Variants in HEATR4 observed in about 807,000 individuals in gnomAD.
HEATR4 encodes HEAT repeat-containing protein 4.
Under a neutral mutation model 108.8 loss-of-function variants are expected in HEATR4, and 95 were observed. The observed-to-expected ratio is 0.87, with a 90% CI of 0.74 to 1.04. HEATR4 has a LOEUF of 1.04. HEATR4 is among the 50% of genes least tolerant of loss of function. HEATR4 has a pLI of 0.00. For synonymous variants in HEATR4, 443 were observed against 459.4 expected (o/e 0.96, Z 0.46); for missense variants, 1,152 against 1,253.8 (o/e 0.92, Z 1.23).
chr14:73,558,328 G>A (rs141640275), intron 1 of HEATR4, among the ~76,000 whole-genome samples: 10,931 of 131,304 alleles, frequency 0.083, 1,035 homozygotes, highest in African/African-American at 0.11. Flanking sequence ...GATTACTCTG[G>A]AAACTCTGCT....
At chr14:73,607,039 C>A in the HEATR4 span, among the ~76,000 whole-genome samples, 2 of 152,212 alleles carry the variant, frequency 1.3e-5, no homozygotes, top group African/African-American at 2.4e-5. Context: ...AGGCCAGGCA[C>A]TGTGGCTCAC....
At chr14:73,591,917 G>T in the HEATR4 span, 1 of 1,350,926 alleles carries the variant, frequency 7.4e-7, no homozygotes, top group South Asian at 2.0e-5. Flanking sequence ...ATCTTGGACG[G>T]GTCTCGGGCC....
rs368350559 is a variant in HEATR4 at position 73,499,172 on chromosome 14, G to A, written c.2287-32C>T. 1.1e-5 allele frequency: 17 copies of A among 1,591,256 alleles called. No homozygotes were observed. The African/African-American group carries it at 1.7e-4, about 16-fold the overall frequency. On this transcript the variant is annotated intron_variant, in intron 12 of 17. Coordinates refer to ENST00000553558, the MANE Select transcript of HEATR4 (RefSeq NM_001220484.1). ...TGGAAAAGGCAGTGTTGAGTGGGGA[G>A]GACCAGAGCAAGAATGAACCAGAAA...
chr14:73,587,438 C>T, the HEATR4 span, among the ~76,000 whole-genome samples: 1 of 151,978 alleles, frequency 6.6e-6, no homozygotes, highest in African/African-American at 2.4e-5. Context: ...CTGCCACGTC[C>T]GCCTCCTGGG....
At position 73,554,897 on chromosome 14, in the gene HEATR4, T is replaced by C. The variant is rs1298699874; in HGVS notation, c.-152+3854A>G. On this transcript the variant is annotated intron_variant, in intron 1 of 17. Transcript: ENST00000553558. ...CAGTTTAATACTAGATCTCAGAAAT[T>C]TGAAAAATAGCAAAGAAGACTGGAT... Among the ~76,000 whole-genome samples, 3 of 113,396 alleles carry C rather than the reference T, an allele frequency of 2.6e-5. 1 individual carries two copies. Among genetic ancestry groups the C allele is most frequent in the African/African-American group, 8.5e-5 (3 of 35,202 alleles). The allele number at this position is 113,396 out of a possible 152,430, so 74.4% of individuals were successfully genotyped here. A position where few individuals can be genotyped will look rare whatever the true frequency, so the allele number is the denominator to read the frequency against.
intron 5 of HEATR4, among the ~76,000 whole-genome samples, chr14:73,517,953 G>A (rs1443392665): frequency 6.6e-6 from 1 of 151,668 alleles, no homozygotes; most frequent in Non-Finnish European, 1.5e-5. Flanking sequence ...GGGTGTGGTG[G>A]CGCGCACCTG....
At chr14:73,491,589 A>G (rs1223194908) in intron 17 of HEATR4, 1 of 1,545,752 alleles carries the variant, frequency 6.5e-7, no homozygotes. Context: ...GTCTTGGCCG[A>G]GCTGAACCGC....
chr14:73,629,785 C>G, the HEATR4 span, among the ~76,000 whole-genome samples: 1 of 151,836 alleles, frequency 6.6e-6, no homozygotes, highest in Admixed American at 6.6e-5. Context: ...GCTGGGACTA[C>G]AGGCACCCGC....
chr14:73,610,233 A>G, the HEATR4 span, among the ~76,000 whole-genome samples: 1 of 151,236 alleles, frequency 6.6e-6, no homozygotes, highest in Non-Finnish European at 1.5e-5. Flanking sequence ...GCCTAATGCA[A>G]TATATTCCGG....
chr14:73,500,655 G>A lies in HEATR4; in HGVS notation c.2181C>T (p.Thr727=), dbSNP rs151153984. ...LYLIGELKLM[T]AKLLPSFLHC... Reference sequence around the variant, plus strand: ...GCAGGAAGCTTGGGAGAAGCTTGGCGGTCATAAGCTTGAGCTCACCTATCA... The same window carrying A: ...GCAGGAAGCTTGGGAGAAGCTTGGCAGTCATAAGCTTGAGCTCACCTATCA... Residue 727 remains threonine (T), a synonymous_variant, in exon 12 of 18, where the codon ACC becomes ACT. Coordinates refer to ENST00000553558, the MANE Select transcript of HEATR4 (RefSeq NM_001220484.1). 6.0e-4 allele frequency: 973 copies of A among 1,614,032 alleles called. 5 individuals carry two copies. Among genetic ancestry groups the A allele is most frequent in the Middle Eastern group, 3.3e-4 (2 of 6,074 alleles).
the HEATR4 span, chr14:73,612,879 C>T: frequency 7.2e-7 from 1 of 1,397,894 alleles, no homozygotes; most frequent in South Asian, 1.3e-5. Context: ...ACGCCCTTCG[C>T]CGTGGAGCTG....
chr14:73,495,988 G>A (rs911414833), intron 15 of HEATR4, among the ~76,000 whole-genome samples: 1 of 152,090 alleles, frequency 6.6e-6, no homozygotes, highest in African/African-American at 2.4e-5. Context: ...AAATTAGTTG[G>A]GTGTGGTGGC....
chr14:73,518,915 G>T, intron 5 of HEATR4, 108 bp downstream of exon 5: 1 of 1,092,840 alleles, frequency 9.2e-7, no homozygotes, highest in Non-Finnish European at 1.3e-6. Context: ...TGCTAATGGT[G>T]CTTCAGCCCA....
the HEATR4 span, among the ~76,000 whole-genome samples, chr14:73,585,902 G>A: frequency 2.7e-5 from 4 of 146,698 alleles, no homozygotes; most frequent in African/African-American, 7.6e-5. Flanking sequence ...CTACTTGGGA[G>A]GCTGAGGCAG....
the HEATR4 span, among the ~76,000 whole-genome samples, chr14:73,599,910 C>T: frequency 6.6e-6 from 1 of 152,166 alleles, no homozygotes; most frequent in South Asian, 2.1e-4. Flanking sequence ...ATACCCTCTC[C>T]CCCAAAAATC....
chr14:73,625,739 C>T, the HEATR4 span, among the ~76,000 whole-genome samples: 1 of 152,136 alleles, frequency 6.6e-6, no homozygotes, highest in African/African-American at 2.4e-5. Flanking sequence ...AGAACTGCAC[C>T]CACATAAGAT....
intron 1 of HEATR4, among the ~76,000 whole-genome samples, chr14:73,556,302 G>A (rs1889393477): frequency 9.0e-6 from 1 of 110,884 alleles, no homozygotes; most frequent in African/African-American, 2.9e-5. Context: ...GCAGGCACCC[G>A]TAATCCCAGC....
At chr14:73,480,380 C>T (rs1197554453) in intron 17 of HEATR4, among the ~76,000 whole-genome samples, 1 of 152,126 alleles carries the variant, frequency 6.6e-6, no homozygotes, top group Non-Finnish European at 1.5e-5. Flanking sequence ...GCAGAGGTTG[C>T]AGTGAGCCAA....
At chr14:73,587,875 T>C in the HEATR4 span, among the ~76,000 whole-genome samples, 484 of 152,284 alleles carry the variant, frequency 3.2e-3, 3 homozygotes, top group African/African-American at 0.011. Flanking sequence ...CCAACACATA[T>C]TTTATGTCAA....
Sources: allele counts gnomAD v4.1 joint callset (sites outside exome capture counted in the v4.1 genomes callset), GRCh38; gene constraint gnomAD v4.1.1; transcripts MANE v1.5; gene names NCBI Gene and HGNC (gene_info 2026-07-23, HGNC 2026-07-21).